WSCD1: variants seen among roughly 807,000 people sequenced by gnomAD.
WSCD1 encodes the protein WSC domain sialate O sulfotransferase 1.
A neutral mutation model predicts 60.4 loss-of-function variants in WSCD1; 41 were observed. That is an observed-to-expected ratio of 0.68 (90% CI 0.53 to 0.88). The LOEUF (loss-of-function observed/expected upper bound fraction) is 0.88. Among genes scored for constraint, WSCD1 ranks in the 40% least tolerant of loss-of-function variants. The probability of loss-of-function intolerance (pLI) is 0.00; values close to 1 mark genes in which losing one functional copy is unlikely to be tolerated. For synonymous variants in WSCD1, 361 were observed against 332.5 expected, an observed-to-expected ratio of 1.09 and a Z score of -0.93; for missense variants, 784 against 796.2, an observed-to-expected ratio of 0.98 and a Z score of 0.18.
chr17:6,098,701 T>A (rs944647857), intron 5 of WSCD1, among the ~76,000 whole-genome samples: 1 of 152,226 alleles, frequency 6.6e-6, no homozygotes, highest in Non-Finnish European at 1.5e-5. Context: ...TGTTTAGGGC[T>A]GCAACATTTG....
At chr17:6,090,732 G>A (rs1243276762) in intron 4 of WSCD1, among the ~76,000 whole-genome samples, 5 of 152,158 alleles carry the variant, frequency 3.3e-5, no homozygotes, top group African/African-American at 9.6e-5. Flanking sequence ...ACCTTTGCCT[G>A]TCCCCTGCAG....
At chr17:6,098,157 G>T (rs992706686) in intron 5 of WSCD1, among the ~76,000 whole-genome samples, 1 of 35,330 alleles carries the variant, frequency 2.8e-5, no homozygotes, top group South Asian at 5.3e-4. Flanking sequence ...GGGGCGGGGT[G>T]GGGGGGGTCT....
At chr17:6,119,799 G>A (rs1303395898) in intron 8 of WSCD1, among the ~76,000 whole-genome samples, 1 of 152,148 alleles carries the variant, frequency 6.6e-6, no homozygotes, top group Non-Finnish European at 1.5e-5. Context: ...TTTGAGGTGT[G>A]TTAATAGCCC....
chr17:6,122,387 C>T lies in WSCD1; in HGVS notation c.*1726C>T, dbSNP rs1904768352. 6.6e-6 allele frequency: 1 copy of T among 152,240 alleles called. No homozygotes were observed. The highest frequency in any genetic ancestry group is 1.5e-5 in the Non-Finnish European group (1 of 68,068). The allele number at this position is 152,240 out of a possible 1,614,324, so 9.4% of individuals were successfully genotyped here. A position where few individuals can be genotyped will look rare whatever the true frequency, so the allele number is the denominator to read the frequency against. ...CACTGATGCGAAGCTGTTCTTGACC[C>T]TCCCATAGCATCAACTCAGTTCAGC... On this transcript the variant is annotated 3_prime_UTR_variant, in exon 9 of 9. Coordinates refer to ENST00000317744, the MANE Select transcript of WSCD1 (RefSeq NM_015253.2).
At chr17:6,107,271 C>A (rs752704470) in intron 5 of WSCD1, among the ~76,000 whole-genome samples, 5 of 152,096 alleles carry the variant, frequency 3.3e-5, no homozygotes, top group Non-Finnish European at 7.4e-5. Flanking sequence ...GAGGCTGAGG[C>A]GGGCAGATCA....
Position 6,080,877 on chromosome 17 carries a change from C to T in WSCD1, c.219C>T (p.His73=), listed in dbSNP as rs142788498. Residue 73 remains histidine, a synonymous_variant, in exon 2 of 9, where the codon CAC becomes CAT. Coordinates refer to ENST00000317744, the MANE Select transcript of WSCD1 (RefSeq NM_015253.2). This position sits in a 1 kb window ranked among gnomAD's most constrained non-coding sequence, Gnocchi z 6.6. ...GCTTGCTGGACAGCAGAGCCCTGCA[C>T]GACCCTCGAGTCAGCCCAGAGCTGC... is the stretch of plus-strand genomic sequence containing the variant. ...GVGLLDSRAL[H]DPRVSPELLL... 41 of 1,603,614 alleles carry T rather than the reference C, an allele frequency of 2.6e-5. No individual in the cohort carries two copies. Among genetic ancestry groups the T allele is most frequent in the Middle Eastern group, 1.7e-4 (1 of 5,948 alleles).
intron 1 of WSCD1, among the ~76,000 whole-genome samples, chr17:6,079,046 C>T (rs1480427745): frequency 3.9e-5 from 6 of 152,214 alleles, no homozygotes; most frequent in Non-Finnish European, 8.8e-5. Flanking sequence ...AAGGACCAGC[C>T]GACCCAGATT....
At chr17:6,103,088 C>G (rs992647807) in intron 5 of WSCD1, among the ~76,000 whole-genome samples, 1 of 152,178 alleles carries the variant, frequency 6.6e-6, no homozygotes, top group African/African-American at 2.4e-5. Context: ...TACTCCACCA[C>G]TTTCTCATTT....
intron 1 of WSCD1, among the ~76,000 whole-genome samples, chr17:6,077,244 A>G (rs1007427878): frequency 1.3e-5 from 2 of 151,996 alleles, no homozygotes; most frequent in Non-Finnish European, 1.5e-5. Context: ...GCATGCCACC[A>G]CATCCAGCTA....
chr17:6,078,563 T>G lies in WSCD1; in HGVS notation c.-288-1808T>G, dbSNP rs947840842. ...GGTGGCTCTGCTGGAATGTGGAGGG[T>G]GTGTGTGTGTGTGTGTGCGTGTGTG... On this transcript the variant is annotated intron_variant, in intron 1 of 8. Coordinates refer to ENST00000317744, the MANE Select transcript of WSCD1 (RefSeq NM_015253.2). Among the ~76,000 whole-genome samples, 27 of 144,078 alleles carry G rather than the reference T, an allele frequency of 1.9e-4. No individual in the cohort carries two copies. The East Asian group carries it at 4.0e-3, about 21-fold the overall frequency. The allele number at this position is 144,078 out of a possible 152,430, so 94.5% of individuals were successfully genotyped here. A position where few individuals can be genotyped will look rare whatever the true frequency, so the allele number is the denominator to read the frequency against.
chr17:6,076,813 C>G (rs1191388723), intron 1 of WSCD1, among the ~76,000 whole-genome samples: 1 of 152,200 alleles, frequency 6.6e-6, no homozygotes, highest in Non-Finnish European at 1.5e-5. Context: ...TGCTGTCTGA[C>G]TTACCTCGTG....
intron 5 of WSCD1, among the ~76,000 whole-genome samples, chr17:6,104,368 A>G (rs1182884074): frequency 7.9e-5 from 12 of 152,174 alleles, no homozygotes; most frequent in Non-Finnish European, 1.5e-5. Flanking sequence ...GCCCTTAGTC[A>G]TTAAACTGCA....
chr17:6,120,245 C>A, intron 8 of WSCD1, 64 bp from the exon 9 acceptor site: 1 of 1,553,632 alleles, frequency 6.4e-7, no homozygotes, highest in Non-Finnish European at 8.8e-7. Context: ...GAGCAGCCCC[C>A]CGGGGACCGG....
At chr17:6,116,321 T>A (rs570935519) in intron 7 of WSCD1, among the ~76,000 whole-genome samples, 5 of 152,300 alleles carry the variant, frequency 3.3e-5, no homozygotes, top group African/African-American at 1.2e-4. Flanking sequence ...AGAAATGCTT[T>A]AGAGATACCT....
intron 8 of WSCD1, among the ~76,000 whole-genome samples, chr17:6,119,748 G>C (rs1904536508): frequency 2.6e-5 from 4 of 152,140 alleles, no homozygotes. Context: ...GTCTCCTAGG[G>C]TCATTGTGAA....
chr17:6,117,728 G>A (rs529458334), intron 7 of WSCD1, among the ~76,000 whole-genome samples: 3 of 152,248 alleles, frequency 2.0e-5, no homozygotes, highest in African/African-American at 7.2e-5. Context: ...AGGTCTTCAG[G>A]GAATACCTCA....
intron 5 of WSCD1, among the ~76,000 whole-genome samples, chr17:6,100,452 C>A (rs779133031): frequency 1.3e-5 from 2 of 152,234 alleles, no homozygotes; most frequent in Admixed American, 6.5e-5. Context: ...ACGGAGCGAG[C>A]CTTTGGCTCC....
At chr17:6,109,500 A>T in intron 5 of WSCD1, 107 bp from the exon 6 acceptor site, 1 of 1,470,150 alleles carries the variant, frequency 6.8e-7, no homozygotes, top group Non-Finnish European at 9.2e-7. Flanking sequence ...GATTCCATAC[A>T]GATACAGCTG....
chr17:6,083,490 G>A (rs554624759), intron 2 of WSCD1, among the ~76,000 whole-genome samples: 1 of 152,296 alleles, frequency 6.6e-6, no homozygotes, highest in Admixed American at 6.5e-5. Context: ...CTTTATAACT[G>A]ACCAGCAGCC....
Sources: gnomAD v4.1 joint callset for allele counts (sites outside exome capture counted in the v4.1 genomes callset) on GRCh38, gnomAD v4.1.1 for gene constraint, Gnocchi (gnomAD v3.1) non-coding constraint, MANE v1.5 for transcripts, NCBI Gene and HGNC (gene_info 2026-07-23, HGNC 2026-07-21) for gene names.